TRHDE: variants seen among roughly 807,000 people sequenced by gnomAD.
TRHDE encodes thyrotropin releasing hormone degrading enzyme, also known as thyrotropin-releasing hormone-degrading ectoenzyme.
In TRHDE, 72 loss-of-function variants were observed where a neutral mutation model predicts 125.7. That is an observed-to-expected ratio of 0.57 (90% confidence interval 0.47 to 0.70). The LOEUF (loss-of-function observed/expected upper bound fraction) is 0.70, where lower values mean the gene tolerates loss of function less well. TRHDE is among the 30% of genes least tolerant of loss of function. The pLI is 0.00. For missense variants in TRHDE, 1,110 were observed against 1,327.1 expected (o/e 0.84, Z 2.54); for synonymous variants, 509 against 509.1 (o/e 1.00, Z 0.00).
chr12:72,326,659 G>A (rs1489973134), intron 2 of TRHDE, among the ~76,000 whole-genome samples: 2 of 152,146 alleles, frequency 1.3e-5, no homozygotes, highest in Non-Finnish European at 2.9e-5. Flanking sequence ...GACCAATCCA[G>A]ATTTGTAAAC....
At chr12:72,516,833 T>C (rs1443650532) in intron 6 of TRHDE, among the ~76,000 whole-genome samples, 1 of 152,138 alleles carries the variant, frequency 6.6e-6, no homozygotes, top group African/African-American at 2.4e-5. Flanking sequence ...ATACCTAATT[T>C]ATTGAGAGTT....
At chr12:72,260,072 G>T (rs555620301) in intron 2 of TRHDE, among the ~76,000 whole-genome samples, 2 of 152,086 alleles carry the variant, frequency 1.3e-5, no homozygotes, top group Non-Finnish European at 2.9e-5. Flanking sequence ...ATATATGCAC[G>T]TTGCTGTATA....
chr12:72,330,331 A>G (rs1041629064), intron 2 of TRHDE, among the ~76,000 whole-genome samples: 3 of 69,912 alleles, frequency 4.3e-5, no homozygotes, highest in African/African-American at 1.8e-4. Flanking sequence ...AAAGAAAAGT[A>G]AAAAAAAAAA....
intron 3 of TRHDE, among the ~76,000 whole-genome samples, chr12:72,383,031 A>G (rs902292237): frequency 2.6e-5 from 4 of 152,220 alleles, no homozygotes; most frequent in African/African-American, 9.6e-5. Context: ...ATAAGCCAAC[A>G]TAAGTAACCA....
intron 2 of TRHDE, among the ~76,000 whole-genome samples, chr12:72,312,152 A>G (rs913635870): frequency 6.6e-6 from 1 of 152,316 alleles, no homozygotes; most frequent in Non-Finnish European, 1.5e-5. Flanking sequence ...AGGGTCACAC[A>G]GCTAGTAAAA....
In TRHDE at chr12:72,377,649, A is replaced by G. The variant is rs569706757; in HGVS notation, c.1189-346A>G. On this transcript the variant is annotated intron_variant, in intron 2 of 18. Coordinates refer to ENST00000261180, the MANE Select transcript of TRHDE (RefSeq NM_013381.3). ...AAGCCACCATATCCTGCCTACTTTC[A>G]GCATAGTCAGGGTCCCATTATACTA... Among the ~76,000 whole-genome samples the G allele has an allele frequency of 2.0e-5, 3 of 152,252 alleles. No individual in the cohort carries two copies. In the South Asian group the frequency reaches 6.2e-4, roughly 32 times the overall value.
chr12:72,639,761 G>T (rs1429579065), intron 15 of TRHDE, among the ~76,000 whole-genome samples: 1 of 151,536 alleles, frequency 6.6e-6, no homozygotes, highest in Non-Finnish European at 1.5e-5. Flanking sequence ...GTACCCGGCC[G>T]TGTGAGGTGT....
At chr12:72,231,672 G>T (rs1878249791) in intron 2 of TRHDE, among the ~76,000 whole-genome samples, 2 of 152,118 alleles carry the variant, frequency 1.3e-5, no homozygotes, top group African/African-American at 4.8e-5. Context: ...AGATCTTCTG[G>T]AAAGACTATG....
intron 1 of TRHDE, among the ~76,000 whole-genome samples, chr12:72,095,238 G>A (rs964218369): frequency 5.3e-5 from 8 of 152,160 alleles, no homozygotes; most frequent in Admixed American, 2.6e-4. Flanking sequence ...CAACACCCAC[G>A]GACCCCTGTT....
intron 3 of TRHDE, among the ~76,000 whole-genome samples, chr12:72,386,597 C>T (rs964972254): frequency 6.6e-6 from 1 of 152,164 alleles, no homozygotes. Flanking sequence ...ACTCCAGCTA[C>T]TGACCCATTT....
chr12:72,550,376 T>C (rs1032171390), intron 7 of TRHDE, among the ~76,000 whole-genome samples: 3 of 152,048 alleles, frequency 2.0e-5, no homozygotes, highest in Non-Finnish European at 4.4e-5. Context: ...CATTTTTCTG[T>C]AACCTACTTA....
intron 12 of TRHDE, among the ~76,000 whole-genome samples, chr12:72,595,346 A>G (rs1871891457): frequency 6.6e-6 from 1 of 150,766 alleles, no homozygotes; most frequent in Non-Finnish European, 1.5e-5. Context: ...TTTATTACGA[A>G]TTATCTACTA....
chr12:72,163,101 A>G (rs960764613), intron 2 of TRHDE: 6 of 152,204 alleles, frequency 3.9e-5, no homozygotes, highest in African/African-American at 1.4e-4. Flanking sequence ...AGTTTGTTGA[A>G]TTATAAGGTA....
At chr12:72,354,274 G>T (rs1334034556) in intron 2 of TRHDE, among the ~76,000 whole-genome samples, 1 of 151,548 alleles carries the variant, frequency 6.6e-6, no homozygotes, top group African/African-American at 2.4e-5. Flanking sequence ...GTAAAAAAAA[G>T]ATATGTTTGA....
chr12:72,343,930 T>C (rs373870556), intron 2 of TRHDE, among the ~76,000 whole-genome samples: 70 of 152,140 alleles, frequency 4.6e-4, no homozygotes, highest in African/African-American at 1.6e-3. Flanking sequence ...TTCTTGTCTG[T>C]CTAAACCAGT....
chr12:72,470,694 T>C (rs1422455805), intron 4 of TRHDE, among the ~76,000 whole-genome samples: 1 of 152,150 alleles, frequency 6.6e-6, no homozygotes, highest in East Asian at 1.9e-4. Context: ...ACAGTGTGAT[T>C]TCAATAAATT....
Position 72,272,743 on chromosome 12 carries a change from G to GA in TRHDE, c.100_101insA (p.Gly34GlufsTer235), listed in dbSNP as rs760576034. ...GAAGGAGGAGGAGGAGGAGGAGGAGGGGGCCGAGAAGAGCAGCTCACCCTT... is the reference window on the plus strand; with the variant it reads ...GAAGGAGGAGGAGGAGGAGGAGGAGGAGGGCCGAGAAGAGCAGCTCACCCTT... On this transcript the variant is annotated frameshift_variant, in exon 1 of 19. Coordinates refer to ENST00000261180, the MANE Select transcript of TRHDE (RefSeq NM_013381.3). LOFTEE classifies it high-confidence loss of function. The surrounding 1 kb of genome is among the most constrained non-coding windows in gnomAD (Gnocchi z 6.7). 2 of 1,498,142 alleles carry GA rather than the reference G, an allele frequency of 1.3e-6. No homozygotes were observed. The highest frequency in any genetic ancestry group is 2.6e-5 in the South Asian group (2 of 77,954). 92.8% of individuals were successfully genotyped at this position (1,498,142 alleles called of 1,614,324 possible).
At chr12:72,532,061 T>C (rs1026890171) in intron 6 of TRHDE, among the ~76,000 whole-genome samples, 2 of 152,082 alleles carry the variant, frequency 1.3e-5, no homozygotes, top group Non-Finnish European at 2.9e-5. Context: ...TTTCTAGCTT[T>C]CTAAAGAATA....
chr12:72,214,938 G>A (rs1362328412), intron 2 of TRHDE, among the ~76,000 whole-genome samples: 1 of 152,186 alleles, frequency 6.6e-6, no homozygotes, highest in African/African-American at 2.4e-5. Context: ...AGAAAGAATT[G>A]TGTCTTTTTC....
Sources: allele counts gnomAD v4.1 joint callset (sites outside exome capture counted in the v4.1 genomes callset), GRCh38; gene constraint gnomAD v4.1.1; non-coding constraint Gnocchi (gnomAD v3.1); transcripts MANE v1.5; gene names NCBI Gene and HGNC (gene_info 2026-07-23, HGNC 2026-07-21).